Variants in KCNAB1 observed in about 807,000 individuals in gnomAD.
KCNAB1 encodes voltage-gated potassium channel subunit beta-1.
A neutral mutation model predicts 64.6 loss-of-function variants in KCNAB1; 35 were observed. The ratio of observed to expected loss-of-function variants is 0.54; its 90% CI spans 0.41 to 0.72. The LOEUF (loss-of-function observed/expected upper bound fraction) is 0.72, where lower values mean the gene tolerates loss of function less well. KCNAB1 is among the 30% of genes least tolerant of loss of function. The pLI is 0.00. For synonymous variants in KCNAB1, 177 were observed against 183.8 expected, an observed-to-expected ratio of 0.96 and a Z score of 0.30; for missense variants, 401 against 512.9, an observed-to-expected ratio of 0.78 and a Z score of 2.11.
At chr3:156,400,088 T>C (rs1249884713) in intron 1 of KCNAB1, among the ~76,000 whole-genome samples, 1 of 152,184 alleles carries the variant, frequency 6.6e-6, no homozygotes, top group Non-Finnish European at 1.5e-5. Context: ...GATTTCCAAA[T>C]GTGAGCCTTT....
At chr3:156,443,776 AC>A (rs1717189659) in intron 2 of KCNAB1, among the ~76,000 whole-genome samples, 2 of 143,686 alleles carry the variant, frequency 1.4e-5, no homozygotes, top group African/African-American at 5.5e-5. Flanking sequence ...ACACACACAC[AC>A]ACACTATTCT....
intron 1 of KCNAB1, among the ~76,000 whole-genome samples, chr3:156,405,536 A>C (rs969412989): frequency 6.6e-6 from 1 of 152,248 alleles, no homozygotes; most frequent in Non-Finnish European, 1.5e-5. Context: ...TCAGAAAAAA[A>C]GTTTAGAAAA....
At chr3:156,238,486 T>C (rs1716987484) in intron 1 of KCNAB1, among the ~76,000 whole-genome samples, 1 of 151,840 alleles carries the variant, frequency 6.6e-6, no homozygotes, top group South Asian at 2.1e-4. Flanking sequence ...AAGGCACTGT[T>C]TGGACCCTAA....
At chr3:156,462,073 A>G (rs934113907) in intron 5 of KCNAB1, among the ~76,000 whole-genome samples, 1 of 152,238 alleles carries the variant, frequency 6.6e-6, no homozygotes, top group Admixed American at 6.5e-5. Flanking sequence ...TGTCATGCTG[A>G]CAGAGTGAGA....
At chr3:156,169,725 C>T (rs2108323200) in intron 1 of KCNAB1, among the ~76,000 whole-genome samples, 1 of 152,290 alleles carries the variant, frequency 6.6e-6, no homozygotes, top group East Asian at 1.9e-4. Context: ...GTATGTGGTG[C>T]TTCCCCCACT....
chr3:156,218,793 A>AT (rs1163586481), intron 1 of KCNAB1, among the ~76,000 whole-genome samples: 2 of 77,430 alleles, frequency 2.6e-5, no homozygotes, highest in Non-Finnish European at 4.8e-5. Context: ...CAGCAAAAAA[A>AT]AAAAAAAAAA....
chr3:156,331,107 C>T (rs1275070542), intron 1 of KCNAB1, among the ~76,000 whole-genome samples: 2 of 152,168 alleles, frequency 1.3e-5, no homozygotes, highest in Non-Finnish European at 2.9e-5. Context: ...TTGTCCATCA[C>T]TGATAATCAG....
chr3:156,215,809 C>T (rs1715281466), intron 1 of KCNAB1: 1 of 152,200 alleles, frequency 6.6e-6, no homozygotes, highest in African/African-American at 2.4e-5. Flanking sequence ...CTGCTGCCTA[C>T]AGGATTCATA....
chr3:156,476,499 G>A (rs772157204), intron 8 of KCNAB1, among the ~76,000 whole-genome samples: 37 of 150,400 alleles, frequency 2.5e-4, no homozygotes, highest in Non-Finnish European at 4.6e-4. Flanking sequence ...TGGCTGAGTA[G>A]TATTCCATCA....
chr3:156,291,282 G>A, intron 1 of KCNAB1: 1 of 989,190 alleles, frequency 1.0e-6, no homozygotes, highest in Non-Finnish European at 1.2e-6. Context: ...GGGTCTTGAG[G>A]AGCCCCCACG....
chr3:156,455,793 G>A (rs554088618), intron 3 of KCNAB1, among the ~76,000 whole-genome samples: 78 of 152,236 alleles, frequency 5.1e-4, no homozygotes, highest in African/African-American at 1.7e-3. Flanking sequence ...GGCAGCTGCC[G>A]GAAACCTAGG....
intron 11 of KCNAB1, among the ~76,000 whole-genome samples, chr3:156,517,247 A>C (rs1717622670): frequency 6.6e-6 from 1 of 152,212 alleles, no homozygotes; most frequent in African/African-American, 2.4e-5. Context: ...CCAATCCTTT[A>C]ATCATTGTGG....
chr3:156,323,127 C>T (rs1234569827), intron 1 of KCNAB1, among the ~76,000 whole-genome samples: 5 of 152,144 alleles, frequency 3.3e-5, no homozygotes, highest in Admixed American at 3.3e-4. Flanking sequence ...TATTATTTGA[C>T]TCCTAAATTC....
chr3:156,435,691 T>C (rs1425202192), intron 2 of KCNAB1, among the ~76,000 whole-genome samples: 1 of 151,908 alleles, frequency 6.6e-6, no homozygotes, highest in Non-Finnish European at 1.5e-5. Context: ...AGTCAGAGTA[T>C]GTGGGGAGAA....
chr3:156,317,557 C>T (rs1273316442), intron 1 of KCNAB1, among the ~76,000 whole-genome samples: 1 of 151,694 alleles, frequency 6.6e-6, no homozygotes, highest in Non-Finnish European at 1.5e-5. Flanking sequence ...TTCCTTCTTC[C>T]CTATCTCGAT....
chr3:156,481,060 A>T (rs753763316), intron 8 of KCNAB1, among the ~76,000 whole-genome samples: 9 of 152,098 alleles, frequency 5.9e-5, no homozygotes, highest in Admixed American at 5.9e-4. Flanking sequence ...GGAGATGTTG[A>T]CAGGTTGCTG....
intron 2 of KCNAB1, among the ~76,000 whole-genome samples, chr3:156,439,348 G>A (rs568177064): frequency 6.6e-6 from 1 of 151,454 alleles, no homozygotes; most frequent in Non-Finnish European, 1.5e-5. Flanking sequence ...TCTCAGGCGT[G>A]TTGGAAGGAA....
At chr3:156,147,011 T>C (rs922211138) in intron 1 of KCNAB1, among the ~76,000 whole-genome samples, 1 of 152,082 alleles carries the variant, frequency 6.6e-6, no homozygotes, top group Non-Finnish European at 1.5e-5. Context: ...ATGCATATAA[T>C]TGAGAAAGAT....
chr3:156,529,456 T>C (rs1307800307), intron 12 of KCNAB1, among the ~76,000 whole-genome samples: 1 of 151,108 alleles, frequency 6.6e-6, no homozygotes, highest in Admixed American at 6.6e-5. Flanking sequence ...TGGGTAAAAT[T>C]TTTGATGTAT....
Sources: gnomAD v4.1 joint callset for allele counts (sites outside exome capture counted in the v4.1 genomes callset) on GRCh38, gnomAD v4.1.1 for gene constraint, MANE v1.5 for transcripts, NCBI Gene and HGNC (gene_info 2026-07-23, HGNC 2026-07-21) for gene names.